Variants in PPM1E observed in about 807,000 individuals in gnomAD.
PPM1E encodes protein phosphatase 1E.
PPM1E carries 20 observed loss-of-function variants against 65.9 expected under a neutral mutation model. The ratio of observed to expected loss-of-function variants is 0.30; its 90% CI spans 0.21 to 0.44. PPM1E has a LOEUF of 0.44. Ranked by LOEUF, PPM1E falls within the 20% of genes least tolerant of loss-of-function variation. The pLI, the probability that PPM1E is intolerant of heterozygous loss-of-function variation, is 1.00. For missense variants in PPM1E, 713 were observed against 953.1 expected, an observed-to-expected ratio of 0.75 and a Z score of 3.32; for synonymous variants, 352 against 374.9, an observed-to-expected ratio of 0.94 and a Z score of 0.70.
chr17:58,806,065 G>A (rs58176442), intron 1 of PPM1E, among the ~76,000 whole-genome samples: 1,700 of 148,390 alleles, frequency 0.011, 35 homozygotes, highest in African/African-American at 0.04. Flanking sequence ...TCTCTCCTCC[G>A]TGTCCTGTCT....
intron 1 of PPM1E, among the ~76,000 whole-genome samples, chr17:58,831,894 C>G (rs1290260002): frequency 6.6e-6 from 1 of 152,164 alleles, no homozygotes; most frequent in East Asian, 1.9e-4. Flanking sequence ...TGTGTGCAGT[C>G]TGCTATTTTG....
chr17:58,843,129 C>CA (rs1013383007), intron 1 of PPM1E, among the ~76,000 whole-genome samples: 4 of 151,074 alleles, frequency 2.6e-5, no homozygotes, highest in Admixed American at 6.6e-5. Context: ...ACTAAAAATA[C>CA]AAAAAAAATT....
At chr17:58,906,979 G>A (rs1480026267) in intron 1 of PPM1E, among the ~76,000 whole-genome samples, 1 of 152,188 alleles carries the variant, frequency 6.6e-6, no homozygotes. Flanking sequence ...GCTTACGCCT[G>A]TAATCCCGGC....
chr17:58,881,994 TA>T (rs1473556601), intron 1 of PPM1E, among the ~76,000 whole-genome samples: 8 of 47,298 alleles, frequency 1.7e-4, no homozygotes, highest in African/African-American at 6.3e-4. Context: ...ACCCTGTCTC[TA>T]CAAAAAAAAA....
At chr17:58,857,074 T>C (rs2050890800) in intron 1 of PPM1E, among the ~76,000 whole-genome samples, 1 of 152,218 alleles carries the variant, frequency 6.6e-6, no homozygotes, top group Non-Finnish European at 1.5e-5. Flanking sequence ...GTCTCTCTAC[T>C]TATTCATGTA....
chr17:58,841,566 A>G (rs1406077406), intron 1 of PPM1E, among the ~76,000 whole-genome samples: 2 of 149,150 alleles, frequency 1.3e-5, no homozygotes, highest in Non-Finnish European at 3.0e-5. Flanking sequence ...TGTCTCCCAG[A>G]CTGGAGTGCA....
At chr17:58,850,607 C>T (rs1660910227) in intron 1 of PPM1E, among the ~76,000 whole-genome samples, 1 of 152,172 alleles carries the variant, frequency 6.6e-6, no homozygotes, top group African/African-American at 2.4e-5. Context: ...TATTGGCCCC[C>T]ACTCTCTTCT....
chr17:58,783,206 A>G (rs2050066544), intron 1 of PPM1E, among the ~76,000 whole-genome samples: 1 of 152,210 alleles, frequency 6.6e-6, no homozygotes, highest in Non-Finnish European at 1.5e-5. Context: ...ACAAAGCTTG[A>G]TGGACCTTCA....
intron 3 of PPM1E, among the ~76,000 whole-genome samples, chr17:58,967,729 G>T (rs1598689028): frequency 6.6e-6 from 1 of 150,840 alleles, no homozygotes; most frequent in Non-Finnish European, 1.5e-5. Flanking sequence ...TTCTTGTGGT[G>T]CTATTTCGAG....
At chr17:58,824,903 C>T (rs1409520302) in intron 1 of PPM1E, among the ~76,000 whole-genome samples, 1 of 151,946 alleles carries the variant, frequency 6.6e-6, no homozygotes, top group African/African-American at 2.4e-5. Flanking sequence ...CCACTGCGCC[C>T]AGCCTGCTTC....
intron 1 of PPM1E, among the ~76,000 whole-genome samples, chr17:58,762,625 C>T (rs1042306824): frequency 2.6e-5 from 4 of 151,884 alleles, no homozygotes; most frequent in South Asian, 4.2e-4. Context: ...GGGCCGGGCG[C>T]GGTGGCTCAC....
chr17:58,851,790 C>G (rs773178120), intron 1 of PPM1E, among the ~76,000 whole-genome samples: 1 of 152,172 alleles, frequency 6.6e-6, no homozygotes, highest in African/African-American at 2.4e-5. Context: ...CTGGGAGAAC[C>G]ACTACTCTCT....
At chr17:58,805,530 G>A (rs1481446657) in intron 1 of PPM1E, among the ~76,000 whole-genome samples, 5 of 152,098 alleles carry the variant, frequency 3.3e-5, no homozygotes, top group East Asian at 1.9e-4. Flanking sequence ...GATTACAGGC[G>A]TGAGCCACCG....
chr17:58,964,405 A>G (rs1442931371), intron 2 of PPM1E, among the ~76,000 whole-genome samples: 2 of 152,176 alleles, frequency 1.3e-5, no homozygotes, highest in Non-Finnish European at 2.9e-5. Context: ...AGTATCATTC[A>G]GTGTTGCTTA....
intron 1 of PPM1E, among the ~76,000 whole-genome samples, chr17:58,810,706 G>A (rs1232047070): frequency 6.6e-6 from 1 of 152,120 alleles, no homozygotes; most frequent in Non-Finnish European, 1.5e-5. Context: ...AATAGTGACT[G>A]TGTAATTCTT....
At chr17:58,819,152 T>C (rs1265444436) in intron 1 of PPM1E, among the ~76,000 whole-genome samples, 1 of 152,194 alleles carries the variant, frequency 6.6e-6, no homozygotes, top group Admixed American at 6.5e-5. Flanking sequence ...TATTTCTATT[T>C]ATTTATTTTT....
At chr17:58,887,964 C>A (rs1031105649) in intron 1 of PPM1E, among the ~76,000 whole-genome samples, 1 of 152,000 alleles carries the variant, frequency 6.6e-6, no homozygotes, top group Non-Finnish European at 1.5e-5. Flanking sequence ...AGAGAAGAAG[C>A]AATAGGACTT....
chr17:58,877,840 TAGC>T lies in PPM1E; in HGVS notation c.465-77808_465-77806del, dbSNP rs377228167. ...AATGCACTACTATTCTTGGGATTAA[TAGC>T]TCACAAATGGAACAATGAGAGAAAT... On this transcript the variant is annotated intron_variant, in intron 1 of 6. Coordinates refer to ENST00000308249, the MANE Select transcript of PPM1E (RefSeq NM_014906.5). Among the ~76,000 whole-genome samples, 197 of 152,314 alleles carry T rather than the reference TAGC, an allele frequency of 1.3e-3. 2 individuals carry two copies. In the Middle Eastern group the frequency reaches 0.017, roughly 13 times the overall value.
intron 1 of PPM1E, among the ~76,000 whole-genome samples, chr17:58,942,003 CT>C (rs1455797173): frequency 7.4e-6 from 1 of 134,394 alleles, no homozygotes; most frequent in Non-Finnish European, 1.5e-5. Context: ...GAGACTTCGT[CT>C]CAAAAAAAAA....
Sources: allele counts gnomAD v4.1 joint callset (sites outside exome capture counted in the v4.1 genomes callset), GRCh38; gene constraint gnomAD v4.1.1; transcripts MANE v1.5; gene names NCBI Gene and HGNC (gene_info 2026-07-23, HGNC 2026-07-21).